Variants in TRPS1 observed in about 807,000 individuals in gnomAD.
The protein encoded by TRPS1 is zinc finger transcription factor Trps1.
TRPS1 carries 6 observed loss-of-function variants against 101.2 expected under a neutral mutation model. The ratio of observed to expected loss-of-function variants is 0.06; its 90% CI spans 0.03 to 0.12. The LOEUF (loss-of-function observed/expected upper bound fraction) is 0.12. Ranked by LOEUF, TRPS1 falls within the 10% of genes least tolerant of loss-of-function variation. The pLI, the probability that TRPS1 is intolerant of heterozygous loss-of-function variation, is 1.00. For synonymous variants in TRPS1, 578 were observed against 589.8 expected (o/e 0.98, Z 0.29); for missense variants, 1,363 against 1,567.0 (o/e 0.87, Z 2.20).
At chr8:115,620,881 G>A (rs1384432510) in intron 2 of TRPS1, among the ~76,000 whole-genome samples, 7 of 152,200 alleles carry the variant, frequency 4.6e-5, no homozygotes, top group Non-Finnish European at 1.5e-5. Flanking sequence ...GGTGAAAACA[G>A]TACCTGTTCC....
intron 3 of TRPS1, among the ~76,000 whole-genome samples, chr8:115,616,611 TG>T (rs1188406367): frequency 3.3e-5 from 5 of 152,096 alleles, no homozygotes; most frequent in Admixed American, 6.5e-5. Flanking sequence ...CAAGTTTAAT[TG>T]AAAAGGATTA....
chr8:115,513,175 T>A (rs1283393945), intron 5 of TRPS1, among the ~76,000 whole-genome samples: 1 of 151,834 alleles, frequency 6.6e-6, no homozygotes, highest in African/African-American at 2.4e-5. Context: ...ATTGAACTTT[T>A]GTAAATATAA....
chr8:115,625,849 A>G (rs1270672650), intron 1 of TRPS1, among the ~76,000 whole-genome samples: 2 of 151,920 alleles, frequency 1.3e-5, no homozygotes, highest in African/African-American at 4.8e-5. Flanking sequence ...CTTGTTGCGC[A>G]TAATTTTTAA....
intron 4 of TRPS1, among the ~76,000 whole-genome samples, chr8:115,602,076 T>C (rs1019820021): frequency 2.0e-5 from 3 of 152,162 alleles, no homozygotes; most frequent in African/African-American, 7.2e-5. Flanking sequence ...AAGCAATGCC[T>C]CAGCTGCATC....
At chr8:115,423,782 G>C (rs1003048911) in intron 5 of TRPS1, among the ~76,000 whole-genome samples, 1 of 151,970 alleles carries the variant, frequency 6.6e-6, no homozygotes, top group Admixed American at 6.6e-5. Context: ...GCTGAGCCTT[G>C]GCATACATGT....
intron 5 of TRPS1, among the ~76,000 whole-genome samples, chr8:115,569,587 G>C (rs1408333014): frequency 6.6e-6 from 1 of 152,094 alleles, no homozygotes; most frequent in Admixed American, 6.6e-5. Flanking sequence ...TCATGCTGCA[G>C]ACTTAAGGAA....
intron 5 of TRPS1, among the ~76,000 whole-genome samples, chr8:115,562,836 C>T (rs1016022419): frequency 1.3e-5 from 2 of 148,900 alleles, no homozygotes; most frequent in Non-Finnish European, 3.0e-5. Context: ...TGGATATAAA[C>T]CATGAAAGAA....
chr8:115,427,289 A>G (rs979697372), intron 5 of TRPS1, among the ~76,000 whole-genome samples: 2 of 152,184 alleles, frequency 1.3e-5, no homozygotes, highest in African/African-American at 2.4e-5. Flanking sequence ...AAATAGATAA[A>G]TAGAAAATTA....
chr8:115,555,452 G>A (rs1368099492), intron 5 of TRPS1, among the ~76,000 whole-genome samples: 1 of 151,752 alleles, frequency 6.6e-6, no homozygotes, highest in Non-Finnish European at 1.5e-5. Flanking sequence ...CTTCCAATAT[G>A]TTATGAAACA....
chr8:115,546,176 A>AAT (rs1816565587), intron 5 of TRPS1, among the ~76,000 whole-genome samples: 1 of 151,778 alleles, frequency 6.6e-6, no homozygotes, highest in African/African-American at 2.4e-5. Context: ...AATTGAAATG[A>AAT]ATATATATAT....
chr8:115,491,859 T>C (rs1251727765), intron 5 of TRPS1, among the ~76,000 whole-genome samples: 2 of 152,146 alleles, frequency 1.3e-5, no homozygotes, highest in Non-Finnish European at 2.9e-5. Flanking sequence ...TTCAGATTCA[T>C]TCAATCTGTA....
In TRPS1 at chr8:115,498,373, G is replaced by GTCTCTCTCTCTCTC. The variant is rs1271156488; in HGVS notation, c.2701-79935_2701-79922dup. On this transcript the variant is annotated intron_variant, in intron 5 of 6. Transcript: ENST00000395715. ...AGCCTGGGCAACAAAGAGAGAGCCC[G>GTCTCTCTCTCTCTC]TCTCTCTCTCTCTCTCTCTCTCTCT... Among the ~76,000 whole-genome samples the GTCTCTCTCTCTCTC allele has an allele frequency of 2.5e-3, 77 of 31,186 alleles. 28 individuals are homozygous for GTCTCTCTCTCTCTC. In the East Asian group the frequency reaches 0.032, roughly 13 times the overall value. The allele number at this position is 31,186 out of a possible 152,430, so 20.5% of individuals were successfully genotyped here.
chr8:115,639,261 G>A (rs1818840419), intron 1 of TRPS1, among the ~76,000 whole-genome samples: 1 of 151,940 alleles, frequency 6.6e-6, no homozygotes, highest in African/African-American at 2.4e-5. Flanking sequence ...TAGAGATGAG[G>A]TCTCCCTGTG....
At chr8:115,606,123 T>C (rs1818032320) in intron 3 of TRPS1, among the ~76,000 whole-genome samples, 1 of 152,162 alleles carries the variant, frequency 6.6e-6, no homozygotes, top group Admixed American at 6.5e-5. Flanking sequence ...ATGACACGTG[T>C]GATCGCTGTT....
intron 1 of TRPS1, among the ~76,000 whole-genome samples, chr8:115,646,823 G>A (rs1819035228): frequency 6.6e-6 from 1 of 152,076 alleles, no homozygotes; most frequent in South Asian, 2.1e-4. Context: ...AAAAAGAGTT[G>A]CCGTGCTAAA....
At chr8:115,648,061 G>C (rs1811460332) in intron 1 of TRPS1, among the ~76,000 whole-genome samples, 1 of 152,068 alleles carries the variant, frequency 6.6e-6, no homozygotes, top group African/African-American at 2.4e-5. Context: ...CCCAATTTGG[G>C]ATCTGGCAAG....
intron 5 of TRPS1, among the ~76,000 whole-genome samples, chr8:115,437,746 T>A (rs966103311): frequency 9.2e-5 from 14 of 152,200 alleles, no homozygotes; most frequent in South Asian, 6.2e-4. Context: ...TGTCTAGCCC[T>A]ATCTCATATT....
At chr8:115,638,983 A>C (rs1324420884) in intron 1 of TRPS1, among the ~76,000 whole-genome samples, 1 of 152,194 alleles carries the variant, frequency 6.6e-6, no homozygotes, top group East Asian at 1.9e-4. Flanking sequence ...GCCACTCTAT[A>C]TATACTGAAT....
Position 115,414,351 on chromosome 8 carries a change from G to C in TRPS1, c.3557C>G (p.Pro1186Arg). The C allele has an allele frequency of 6.2e-7, 1 of 1,613,978 alleles. No individual in the cohort carries two copies. The highest frequency in any genetic ancestry group is 8.5e-7 in the Non-Finnish European group (1 of 1,179,964). Residue 1186 changes from proline to arginine, a missense_variant, in exon 7 of 7, where the codon CCT becomes CGT. By Grantham distance (103) the Pro-to-Arg change is moderately radical. Coordinates refer to ENST00000395715, the MANE Select transcript of TRPS1 (RefSeq NM_014112.5). The surrounding 1 kb of genome is among the most constrained non-coding windows in gnomAD (Gnocchi z 4.8). ...GGAGGCACCGTTTGCAGTTGGCCCA[G>C]GTCTGGAATGCTTGATCGCCAAATC... ...PLDLAIKHSR[P>R]GPTANGASKE...
Sources: allele counts gnomAD v4.1 joint callset (sites outside exome capture counted in the v4.1 genomes callset), GRCh38; gene constraint gnomAD v4.1.1; non-coding constraint Gnocchi (gnomAD v3.1); transcripts MANE v1.5; gene names NCBI Gene and HGNC (gene_info 2026-07-23, HGNC 2026-07-21).